The following BCAR3 variants were observed in gnomAD, a reference collection of about 807,000 sequenced individuals.
BCAR3 encodes the protein breast cancer anti-estrogen resistance protein 3.
BCAR3 carries 37 observed loss-of-function variants against 80.1 expected under a neutral mutation model. The observed-to-expected ratio is 0.46, with a 90% CI of 0.36 to 0.61. The LOEUF is 0.61. BCAR3 is among the 20% of genes least tolerant of loss of function. BCAR3 has a pLI of 0.00. For synonymous variants in BCAR3, 389 were observed against 418.9 expected, an observed-to-expected ratio of 0.93 and a Z score of 0.87; for missense variants, 978 against 1,068.2, an observed-to-expected ratio of 0.92 and a Z score of 1.18.
At chr1:93,608,826 T>C (rs551826544) in intron 3 of BCAR3, among the ~76,000 whole-genome samples, 38 of 152,316 alleles carry the variant, frequency 2.5e-4, no homozygotes, top group African/African-American at 8.9e-4. Context: ...GCTGGAGAGA[T>C]AAGTGAGCAA....
chr1:93,772,261 C>T (rs1392056238), intron 2 of BCAR3, among the ~76,000 whole-genome samples: 1 of 152,166 alleles, frequency 6.6e-6, no homozygotes, highest in Non-Finnish European at 1.5e-5. Flanking sequence ...AAAAATCACT[C>T]TGACTACAAG....
chr1:93,677,563 G>A (rs528831023), intron 1 of BCAR3, among the ~76,000 whole-genome samples: 4 of 152,278 alleles, frequency 2.6e-5, no homozygotes, highest in Admixed American at 2.6e-4. Flanking sequence ...ACCCATGGAG[G>A]AACAATGAAG....
At chr1:93,593,280 C>T (rs940760924) in intron 3 of BCAR3, among the ~76,000 whole-genome samples, 2 of 152,206 alleles carry the variant, frequency 1.3e-5, no homozygotes, top group Non-Finnish European at 2.9e-5. Context: ...TGTGGTTCTC[C>T]CAAGTTTCCC....
chr1:93,688,839 G>A (rs905888907), intron 3 of BCAR3, among the ~76,000 whole-genome samples: 5 of 152,032 alleles, frequency 3.3e-5, no homozygotes, highest in Admixed American at 6.6e-5. Flanking sequence ...GTTTCACCAC[G>A]TTGGCCAGGC....
At chr1:93,619,067 T>C (rs183074932) in intron 3 of BCAR3, among the ~76,000 whole-genome samples, 2 of 151,438 alleles carry the variant, frequency 1.3e-5, no homozygotes, top group East Asian at 1.9e-4. Context: ...GCCTCCCGAG[T>C]AGCTGGGACT....
intron 2 of BCAR3, among the ~76,000 whole-genome samples, chr1:93,645,397 A>G (rs1283918127): frequency 1.3e-5 from 2 of 152,216 alleles, no homozygotes; most frequent in Non-Finnish European, 2.9e-5. Flanking sequence ...TATGTAAAAT[A>G]GAAGTAATAT....
intron 2 of BCAR3, among the ~76,000 whole-genome samples, chr1:93,757,582 T>C (rs11806874): frequency 0.018 from 2,743 of 152,298 alleles, 76 homozygotes; most frequent in African/African-American, 0.063. Context: ...TTTTTTCTCC[T>C]CTTCCTTCAA....
intron 8 of BCAR3, among the ~76,000 whole-genome samples, chr1:93,573,623 TA>T (rs1161626165): frequency 3.3e-4 from 47 of 142,176 alleles, no homozygotes; most frequent in Non-Finnish European, 5.6e-4. Flanking sequence ...TTATTATTAT[TA>T]TTATTATTAT....
At position 93,576,002 on chromosome 1, in the gene BCAR3, G is replaced by C. The variant is rs369790349; in HGVS notation, c.1802+12C>G. ...TGGGAGGGTCGGAAGTGCAGAGGAC[G>C]GCACTGCTCACCTTTCAATTATGTC... On this transcript the variant is annotated intron_variant, in intron 8 of 11. Coordinates refer to ENST00000260502, the MANE Select transcript of BCAR3 (RefSeq NM_003567.4). 1 of 1,609,472 alleles carries C rather than the reference G, an allele frequency of 6.2e-7. No individual in the cohort carries two copies. The highest frequency in any genetic ancestry group is 1.7e-5 in the Admixed American group (1 of 60,012).
intron 2 of BCAR3, among the ~76,000 whole-genome samples, chr1:93,771,415 A>C (rs1190639755): frequency 6.6e-6 from 1 of 152,228 alleles, no homozygotes; most frequent in Admixed American, 6.5e-5. Flanking sequence ...CATCTGCTTT[A>C]GTGCCTAGGA....
intron 2 of BCAR3, among the ~76,000 whole-genome samples, chr1:93,645,746 GATATATAA>G (rs1676134854): frequency 6.7e-6 from 1 of 149,634 alleles, no homozygotes; most frequent in African/African-American, 2.4e-5. Flanking sequence ...ATATATACAT[GATATATAA>G]ATATATAATT....
intron 3 of BCAR3, among the ~76,000 whole-genome samples, chr1:93,625,490 C>A (rs1378549881): frequency 6.6e-6 from 1 of 152,186 alleles, no homozygotes; most frequent in Non-Finnish European, 1.5e-5. Context: ...AAATAAGAAT[C>A]CGGCTGAAGA....
At chr1:93,790,899 C>T (rs1202338367) in intron 2 of BCAR3, among the ~76,000 whole-genome samples, 3 of 71,348 alleles carry the variant, frequency 4.2e-5, no homozygotes, top group South Asian at 5.9e-4. Flanking sequence ...TGAGAATATG[C>T]GGTGTTTGGT....
chr1:93,696,481 C>T (rs919660028), intron 3 of BCAR3, among the ~76,000 whole-genome samples: 7 of 152,116 alleles, frequency 4.6e-5, no homozygotes, highest in African/African-American at 1.4e-4. Context: ...ATGCCCTCCT[C>T]TCCTTCCCCC....
chr1:93,706,413 T>C (rs1016249985), intron 2 of BCAR3, among the ~76,000 whole-genome samples: 9 of 152,134 alleles, frequency 5.9e-5, no homozygotes, highest in Non-Finnish European at 1.2e-4. Flanking sequence ...GCAGTTCCCT[T>C]ATTTGCCAGG....
At chr1:93,748,526 A>T (rs886508860) in intron 2 of BCAR3, among the ~76,000 whole-genome samples, 2 of 152,134 alleles carry the variant, frequency 1.3e-5, no homozygotes, top group Non-Finnish European at 2.9e-5. Flanking sequence ...CTGGACTTCG[A>T]TCGGCCATAT....
intron 3 of BCAR3, among the ~76,000 whole-genome samples, chr1:93,618,401 C>A (rs1239465166): frequency 1.3e-5 from 2 of 152,244 alleles, no homozygotes; most frequent in African/African-American, 4.8e-5. Flanking sequence ...CAATATTGAT[C>A]TGCCTAGCAC....
At chr1:93,590,910 A>G (rs916931903) in intron 4 of BCAR3, among the ~76,000 whole-genome samples, 2 of 152,174 alleles carry the variant, frequency 1.3e-5, no homozygotes, top group African/African-American at 4.8e-5. Context: ...TTCCCAGGAC[A>G]TAGTAAGTGA....
At chr1:93,715,911 A>G (rs1184950622) in intron 2 of BCAR3, among the ~76,000 whole-genome samples, 3 of 152,246 alleles carry the variant, frequency 2.0e-5, no homozygotes, top group Non-Finnish European at 4.4e-5. Context: ...AGTAGCGCTC[A>G]GCCAGCTTGC....
Sources: gnomAD v4.1 joint callset for allele counts (sites outside exome capture counted in the v4.1 genomes callset) on GRCh38, gnomAD v4.1.1 for gene constraint, MANE v1.5 for transcripts, NCBI Gene and HGNC (gene_info 2026-07-23, HGNC 2026-07-21) for gene names.